The following GRM5 variants were observed in gnomAD, a reference collection of about 807,000 sequenced individuals.
GRM5 encodes metabotropic glutamate receptor 5.
In GRM5, 19 loss-of-function variants were observed where a neutral mutation model predicts 83.1. The ratio of observed to expected loss-of-function variants is 0.23; its 90% confidence interval spans 0.16 to 0.34. The LOEUF (loss-of-function observed/expected upper bound fraction) is 0.34. Among genes scored for constraint, GRM5 ranks in the 10% least tolerant of loss-of-function variants. The pLI is 1.00. For synonymous variants in GRM5, 675 were observed against 633.6 expected (o/e 1.07, Z -0.98); for missense variants, 1,160 against 1,588.3 (o/e 0.73, Z 4.58).
At chr11:88,717,810 T>TA (rs1270604196) in intron 3 of GRM5, among the ~76,000 whole-genome samples, 66 of 151,970 alleles carry the variant, frequency 4.3e-4, no homozygotes, top group Non-Finnish European at 9.0e-4. Context: ...TTGAATTATA[T>TA]GTGTACTCTT....
intron 2 of GRM5, among the ~76,000 whole-genome samples, chr11:88,999,266 C>G (rs1041654299): frequency 1.3e-5 from 2 of 152,158 alleles, no homozygotes; most frequent in Admixed American, 1.3e-4. Context: ...AGAGCTTCTG[C>G]ACAGCAAAAG....
chr11:88,952,125 A>AAC (rs57780254), intron 2 of GRM5, among the ~76,000 whole-genome samples: 30 of 151,240 alleles, frequency 2.0e-4, no homozygotes, highest in African/African-American at 5.1e-4. Context: ...CATACAAACA[A>AAC]ACACACACAC....
At position 88,509,242 on chromosome 11, in the gene GRM5, G is replaced by C. The variant is rs1941286291; in HGVS notation, c.2989C>G (p.Pro997Ala). 6.7e-7 allele frequency: 1 copy of C among 1,497,454 alleles called. No homozygotes were observed. The highest frequency in any genetic ancestry group is 1.5e-5 in the African/African-American group (1 of 68,192). 92.8% of individuals were successfully genotyped at this position (1,497,454 alleles called of 1,614,324 possible). A position where few individuals can be genotyped will look rare whatever the true frequency, so the allele number is the denominator to read the frequency against. Residue 997 changes from proline (P) to alanine (A), a missense_variant, in exon 10 of 10, where the codon CCC (proline) becomes GCC (alanine). By Grantham distance (27) the Pro-to-Ala change is conservative (BLOSUM62 -1). Coordinates refer to ENST00000305447, the MANE Select transcript of GRM5 (RefSeq NM_001143831.3). ...PGGPESPDAG[P>A]KALYDVAEAE... is the part of the protein sequence containing the mutation. ...TCGGCCACATCATACAGCGCCTTGGGGCCGGCGTCTGGGGACTCGGGCCCG... is the reference window on the plus strand; with the variant it reads ...TCGGCCACATCATACAGCGCCTTGGCGCCGGCGTCTGGGGACTCGGGCCCG...
chr11:88,822,565 T>C (rs1943817622), intron 3 of GRM5, among the ~76,000 whole-genome samples: 1 of 152,176 alleles, frequency 6.6e-6, no homozygotes, highest in African/African-American at 2.4e-5. Context: ...GAGAAGAGCT[T>C]GGCATATTTT....
intron 3 of GRM5, among the ~76,000 whole-genome samples, chr11:88,718,605 G>GTCA (rs1342046692): frequency 2.6e-5 from 4 of 151,910 alleles, no homozygotes; most frequent in African/African-American, 9.7e-5. Flanking sequence ...ATTAGGCATT[G>GTCA]TCATCTTTTA....
chr11:88,755,466 G>A (rs1401261375), intron 3 of GRM5, among the ~76,000 whole-genome samples: 1 of 152,130 alleles, frequency 6.6e-6, no homozygotes, highest in Admixed American at 6.6e-5. Context: ...ATTTCTTTAA[G>A]TGAACAGTGT....
At chr11:88,633,381 T>C (rs1183971814) in intron 4 of GRM5, among the ~76,000 whole-genome samples, 2 of 152,238 alleles carry the variant, frequency 1.3e-5, no homozygotes, top group African/African-American at 4.8e-5. Flanking sequence ...CAGTCATTTT[T>C]TCTTCTACTG....
At chr11:88,600,498 A>T (rs912078671) in intron 5 of GRM5, among the ~76,000 whole-genome samples, 6 of 151,968 alleles carry the variant, frequency 3.9e-5, no homozygotes, top group Non-Finnish European at 7.4e-5. Context: ...ACCAGCCAAA[A>T]TTTAAACCTA....
chr11:89,063,682 G>A (rs1216788148), intron 1 of GRM5: 1 of 152,274 alleles, frequency 6.6e-6, no homozygotes. Context: ...CCCCGCTACT[G>A]AGAAAGGGGG....
chr11:88,595,788 GCTCT>G (rs1384172765), intron 6 of GRM5, among the ~76,000 whole-genome samples: 1 of 152,030 alleles, frequency 6.6e-6, no homozygotes, highest in Non-Finnish European at 1.5e-5. Context: ...GTGACAGTGT[GCTCT>G]CTAGTTGTCT....
chr11:88,908,767 C>A (rs1457358883), intron 2 of GRM5, among the ~76,000 whole-genome samples: 1 of 152,088 alleles, frequency 6.6e-6, no homozygotes, highest in Non-Finnish European at 1.5e-5. Flanking sequence ...CTTTTAATAT[C>A]TCAGTTCAAC....
At chr11:89,063,567 C>T (rs1005947503) in intron 1 of GRM5, 2 of 152,258 alleles carry the variant, frequency 1.3e-5, no homozygotes, top group African/African-American at 4.8e-5. Context: ...AGGGCAGAGC[C>T]GGCCTCTCCA....
At chr11:89,027,983 T>C (rs149546688) in intron 2 of GRM5, among the ~76,000 whole-genome samples, 6 of 152,310 alleles carry the variant, frequency 3.9e-5, no homozygotes, top group South Asian at 2.1e-4. Context: ...ATTTGCCCTC[T>C]TTTCCTTGGA....
intron 3 of GRM5, among the ~76,000 whole-genome samples, chr11:88,759,000 G>A (rs1233418076): frequency 6.6e-6 from 1 of 152,050 alleles, no homozygotes; most frequent in Non-Finnish European, 1.5e-5. Flanking sequence ...CATACATGAA[G>A]GAGAAATAAG....
At chr11:88,542,144 G>C (rs1008542536) in intron 8 of GRM5, among the ~76,000 whole-genome samples, 4 of 152,110 alleles carry the variant, frequency 2.6e-5, no homozygotes, top group South Asian at 4.1e-4. Context: ...AGAAGGGTGA[G>C]AGCAGACTAA....
At chr11:88,613,539 T>A (rs1040909494) in intron 4 of GRM5, among the ~76,000 whole-genome samples, 4 of 152,180 alleles carry the variant, frequency 2.6e-5, no homozygotes, top group Admixed American at 2.6e-4. Context: ...GCCTGATAGA[T>A]CTTTCTCCAT....
chr11:89,021,988 G>C (rs1203509730), intron 2 of GRM5, among the ~76,000 whole-genome samples: 1 of 152,220 alleles, frequency 6.6e-6, no homozygotes, highest in Non-Finnish European at 1.5e-5. Context: ...ATGAGAATTT[G>C]AGATGATAAC....
At position 88,662,674 on chromosome 11, in the gene GRM5, A is replaced by T. The variant is rs1939937832; in HGVS notation, c.912-9271T>A. Among the ~76,000 whole-genome samples the T allele has an allele frequency of 2.0e-5, 3 of 152,160 alleles. No individual in the cohort carries two copies. The South Asian group carries it at 6.2e-4, about 31-fold the overall frequency. On this transcript the variant is annotated intron_variant, in intron 3 of 9. Coordinates refer to ENST00000305447, the MANE Select transcript of GRM5 (RefSeq NM_001143831.3). Reference sequence around the variant, plus strand: ...GATTTCTGATTTAAAAAAAAGATTCAAATGAGGGGGACTTGACATGAGAGA... The same window carrying T: ...GATTTCTGATTTAAAAAAAAGATTCTAATGAGGGGGACTTGACATGAGAGA...
chr11:88,845,586 G>A (rs1205638682), intron 3 of GRM5, among the ~76,000 whole-genome samples: 2 of 151,498 alleles, frequency 1.3e-5, no homozygotes, highest in South Asian at 2.1e-4. Flanking sequence ...GGCGCACGCC[G>A]CGACACCCGG....
Sources: gnomAD v4.1 joint callset for allele counts (sites outside exome capture counted in the v4.1 genomes callset) on GRCh38, gnomAD v4.1.1 for gene constraint, MANE v1.5 for transcripts, NCBI Gene and HGNC (gene_info 2026-07-23, HGNC 2026-07-21) for gene names.